Variants in TMED3 observed in about 807,000 individuals in gnomAD.
TMED3 encodes transmembrane emp24 domain-containing protein 3.
A neutral mutation model predicts 15.0 loss-of-function variants in TMED3; 9 were observed. The observed-to-expected ratio is 0.60, with a 90% CI of 0.36 to 1.04. The LOEUF (loss-of-function observed/expected upper bound fraction) is 1.04. Among genes scored for constraint, TMED3 ranks in the 50% least tolerant of loss-of-function variants. The probability of loss-of-function intolerance (pLI) is 0.01; values close to 1 mark genes in which losing one functional copy is unlikely to be tolerated. For synonymous variants in TMED3, 117 were observed against 121.4 expected, an observed-to-expected ratio of 0.96 and a Z score of 0.24; for missense variants, 267 against 278.9, an observed-to-expected ratio of 0.96 and a Z score of 0.30.
chr15:79,318,227 C>T (rs947671104), intron 2 of TMED3, among the ~76,000 whole-genome samples: 4 of 152,216 alleles, frequency 2.6e-5, no homozygotes, highest in Admixed American at 6.5e-5. Flanking sequence ...GTGTTCCTGC[C>T]GCTCTGCATA....
At chr15:79,344,535 G>A (rs1478591619) in intron 2 of TMED3, among the ~76,000 whole-genome samples, 1 of 152,072 alleles carries the variant, frequency 6.6e-6, no homozygotes, top group Non-Finnish European at 1.5e-5. Context: ...TGGTTTCTTG[G>A]TCTCTCTCTC....
At chr15:79,375,090 G>A (rs1034553892) in intron 2 of TMED3, among the ~76,000 whole-genome samples, 1 of 152,148 alleles carries the variant, frequency 6.6e-6, no homozygotes, top group African/African-American at 2.4e-5. Context: ...CTGAAAAAAT[G>A]TCTCATCCCC....
intron 2 of TMED3, among the ~76,000 whole-genome samples, chr15:79,315,510 C>G (rs1273263247): frequency 6.6e-6 from 1 of 152,160 alleles, no homozygotes; most frequent in Non-Finnish European, 1.5e-5. Flanking sequence ...TGGGAAGATT[C>G]TGTAAGTCTC....
intron 2 of TMED3, chr15:79,383,443 T>A: frequency 5.5e-6 from 1 of 181,330 alleles, no homozygotes; most frequent in Admixed American, 5.6e-5. Flanking sequence ...TACCCATGGT[T>A]ACAGTTTGTT....
At chr15:79,335,786 G>A (rs1216316811) in intron 2 of TMED3, among the ~76,000 whole-genome samples, 1 of 152,204 alleles carries the variant, frequency 6.6e-6, no homozygotes, top group Non-Finnish European at 1.5e-5. Flanking sequence ...GGGAAGGTAA[G>A]AGAAAATGTA....
chr15:79,375,886 G>A (rs886863836), intron 2 of TMED3, among the ~76,000 whole-genome samples: 3 of 152,168 alleles, frequency 2.0e-5, no homozygotes, highest in African/African-American at 7.2e-5. Flanking sequence ...AGAGAAGGAA[G>A]GTGAGTGGTG....
chr15:79,408,068 G>A (rs1295961775), intron 2 of TMED3, among the ~76,000 whole-genome samples: 1 of 152,150 alleles, frequency 6.6e-6, no homozygotes, highest in African/African-American at 2.4e-5. Flanking sequence ...AAACCACCTG[G>A]CAAACTGTAA....
At chr15:79,412,508 TCAGA>T (rs1287537440) in exon 3 of TMED3, 3 of 152,308 alleles carry the variant, frequency 2.0e-5, no homozygotes, top group Non-Finnish European at 2.9e-5. Flanking sequence ...CTGCAAAAAC[TCAGA>T]CAGAGGGTGC....
At chr15:79,338,910 G>T (rs1034576494) in intron 2 of TMED3, among the ~76,000 whole-genome samples, 2 of 152,040 alleles carry the variant, frequency 1.3e-5, no homozygotes, top group Non-Finnish European at 2.9e-5. Flanking sequence ...CCGGGAAAGG[G>T]AGTCTCCCTT....
At chr15:79,347,703 T>C (rs978141490) in intron 2 of TMED3, among the ~76,000 whole-genome samples, 8 of 152,130 alleles carry the variant, frequency 5.3e-5, no homozygotes, top group Admixed American at 1.3e-4. Context: ...ACAAAATCAA[T>C]GTGCAAAAAT....
At chr15:79,383,103 C>A in intron 2 of TMED3, 4 of 1,376,650 alleles carry the variant, frequency 2.9e-6, no homozygotes, top group Non-Finnish European at 4.0e-6. Flanking sequence ...CTGTAGATCG[C>A]CAGGTACCCA....
intron 2 of TMED3, among the ~76,000 whole-genome samples, chr15:79,331,117 G>T (rs57712942): frequency 0.011 from 1,605 of 152,240 alleles, 33 homozygotes; most frequent in South Asian, 0.079. Context: ...TAAACAACCA[G>T]ATTGTGAGGA....
chr15:79,399,227 C>G (rs1280307598), intron 2 of TMED3, among the ~76,000 whole-genome samples: 2 of 152,102 alleles, frequency 1.3e-5, no homozygotes, highest in African/African-American at 4.8e-5. Context: ...TAATCTCATT[C>G]AAAAGCAGCC....
At chr15:79,375,783 C>T (rs989562233) in intron 2 of TMED3, among the ~76,000 whole-genome samples, 8 of 152,148 alleles carry the variant, frequency 5.3e-5, no homozygotes, top group Non-Finnish European at 7.3e-5. Context: ...TCCACTCCAC[C>T]ACTGGGGATT....
At chr15:79,337,608 C>G (rs2058831735) in intron 2 of TMED3, among the ~76,000 whole-genome samples, 1 of 152,184 alleles carries the variant, frequency 6.6e-6, no homozygotes, top group Non-Finnish European at 1.5e-5. Flanking sequence ...AGGTGCATTT[C>G]GTAGCTTGAA....
In TMED3 at chr15:79,322,060, A is replaced by G; in HGVS notation, c.500A>G (p.Gln167Arg). ...SQTHYRLREA[Q>R]DRARAEDLNS... ...ACGCATTACCGGCTGCGGGAGGCCCAGGACCGGGCCCGAGCAGAAGACCTT... is the reference window on the plus strand; with the variant it reads ...ACGCATTACCGGCTGCGGGAGGCCCGGGACCGGGCCCGAGCAGAAGACCTT... The change falls in exon 3 of 3, where the codon CAG becomes CGG. Residue 167 changes from glutamine (Q) to arginine (R), a missense_variant. This residue lies in a region of TMED3 where 139 missense variants were observed against 125.0 expected (regional missense o/e 1.11). Transcript: ENST00000299705. 6.2e-7 allele frequency: 1 copy of G among 1,614,218 alleles called. No individual in the cohort carries two copies.
At chr15:79,318,721 A>G (rs538759382) in intron 2 of TMED3, among the ~76,000 whole-genome samples, 4 of 152,212 alleles carry the variant, frequency 2.6e-5, no homozygotes, top group African/African-American at 9.6e-5. Context: ...GTCCTGTTCC[A>G]TCTGTGACAG....
At chr15:79,353,449 C>A (rs2058905926) in intron 2 of TMED3, among the ~76,000 whole-genome samples, 1 of 136,614 alleles carries the variant, frequency 7.3e-6, no homozygotes, top group Non-Finnish European at 1.5e-5. Context: ...CCAACAATAG[C>A]TAGTTAGAAA....
At chr15:79,355,024 C>T (rs569104637) in intron 2 of TMED3, among the ~76,000 whole-genome samples, 1 of 152,256 alleles carries the variant, frequency 6.6e-6, no homozygotes, top group South Asian at 2.1e-4. Flanking sequence ...GTCTTGCCTA[C>T]CCTTGCCAAT....
Sources: allele counts gnomAD v4.1 joint callset (sites outside exome capture counted in the v4.1 genomes callset), GRCh38; gene constraint gnomAD v4.1.1; regional missense constraint gnomAD v4.1.1; transcripts MANE v1.5; gene names NCBI Gene and HGNC (gene_info 2026-07-23, HGNC 2026-07-21).